Variants in GTF2IRD1 observed in about 807,000 individuals in gnomAD.
GTF2IRD1 encodes the protein GTF2I repeat domain containing 1.
In GTF2IRD1, 26 loss-of-function variants were observed where a neutral mutation model predicts 113.2. The ratio of observed to expected loss-of-function variants is 0.23; its 90% CI spans 0.17 to 0.32. GTF2IRD1 has a LOEUF of 0.32. Among genes scored for constraint, GTF2IRD1 ranks in the 10% least tolerant of loss-of-function variants. The pLI, the probability that GTF2IRD1 is intolerant of heterozygous loss-of-function variation, is 1.00. For synonymous variants in GTF2IRD1, 484 were observed against 529.1 expected, an observed-to-expected ratio of 0.91 and a Z score of 1.17; for missense variants, 864 against 1,280.8, an observed-to-expected ratio of 0.67 and a Z score of 4.97.
chr7:74,558,556 G>A (rs1286506106), intron 20 of GTF2IRD1, among the ~76,000 whole-genome samples: 1 of 151,730 alleles, frequency 6.6e-6, no homozygotes, highest in South Asian at 2.1e-4. Context: ...AGTAAAGACA[G>A]GGTCTTGCTG....
intron 24 of GTF2IRD1, among the ~76,000 whole-genome samples, chr7:74,591,504 A>G (rs1413555553): frequency 6.7e-6 from 1 of 149,164 alleles, no homozygotes; most frequent in African/African-American, 2.5e-5. Flanking sequence ...TCAGCCTCCC[A>G]AGTAGCTGGG....
intron 1 of GTF2IRD1, among the ~76,000 whole-genome samples, chr7:74,475,186 T>G (rs1201405697): frequency 3.3e-5 from 5 of 152,050 alleles, no homozygotes; most frequent in East Asian, 1.9e-4. Flanking sequence ...ACCCAGGAGT[T>G]GGAGGCTGCA....
At position 74,515,603 on chromosome 7, in the gene GTF2IRD1, T is replaced by C. The variant is rs370776468; in HGVS notation, c.421+7T>C. ...GTGTTTGATGTTCTTTATAGTAAGA[T>C]CCTTCCTCATTCCATTTGGGGGCCC... is the stretch of plus-strand genomic sequence containing the variant. On this transcript the variant is annotated splice_region_variant and intron_variant, in intron 4 of 26. Coordinates refer to ENST00000424337, the MANE Select transcript of GTF2IRD1 (RefSeq NM_005685.4). 24 of 1,600,996 alleles carry C rather than the reference T, an allele frequency of 1.5e-5. No individual in the cohort carries two copies. In the African/African-American group the frequency reaches 3.2e-4, roughly 21 times the overall value.
chr7:74,476,423 G>A lies in GTF2IRD1; in HGVS notation c.-7+22247G>A, dbSNP rs187038162. Among the ~76,000 whole-genome samples the A allele has an allele frequency of 3.5e-3, 483 of 136,924 alleles. 3 individuals are homozygous for A. The highest frequency in any genetic ancestry group is 0.013 in the African/African-American group (457 of 36,088). 89.8% of individuals were successfully genotyped at this position (136,924 alleles called of 152,430 possible). ...TCTGTCGCCCAGGCTGGAGTGCAGC[G>A]GTGCGATCTCGGCTCACTGCAACCT... is the stretch of plus-strand genomic sequence containing the variant. On this transcript the variant is annotated intron_variant, in intron 1 of 26. Coordinates refer to ENST00000424337, the MANE Select transcript of GTF2IRD1 (RefSeq NM_005685.4).
chr7:74,554,012 G>A (rs587657868), intron 17 of GTF2IRD1, among the ~76,000 whole-genome samples: 10 of 152,266 alleles, frequency 6.6e-5, no homozygotes, highest in South Asian at 6.2e-4. Context: ...CCGCCAGAGC[G>A]GGCACCAAAT....
At chr7:74,458,207 T>C (rs79219720) in intron 1 of GTF2IRD1, among the ~76,000 whole-genome samples, 1,940 of 152,010 alleles carry the variant, frequency 0.013, 36 homozygotes, top group African/African-American at 0.044. Flanking sequence ...TCCGGGATAA[T>C]ATGGGGCCGC....
At chr7:74,600,715 A>C (rs1485372362) in intron 25 of GTF2IRD1, among the ~76,000 whole-genome samples, 2 of 152,074 alleles carry the variant, frequency 1.3e-5, no homozygotes, top group East Asian at 1.9e-4. Flanking sequence ...CATCTCAAAA[A>C]ACCAGAAAGA....
At chr7:74,504,127 C>T (rs1478872101) in intron 1 of GTF2IRD1, among the ~76,000 whole-genome samples, 2 of 152,134 alleles carry the variant, frequency 1.3e-5, no homozygotes, top group Non-Finnish European at 2.9e-5. Flanking sequence ...CCATGGTGTG[C>T]ATGTACCACA....
At chr7:74,559,276 A>T (rs1359336463) in intron 21 of GTF2IRD1, among the ~76,000 whole-genome samples, 4 of 152,128 alleles carry the variant, frequency 2.6e-5, no homozygotes, top group Non-Finnish European at 5.9e-5. Context: ...GCAGCCTTTG[A>T]GGGCATCTTC....
chr7:74,579,100 T>C (rs782543614), intron 22 of GTF2IRD1, among the ~76,000 whole-genome samples: 3 of 151,880 alleles, frequency 2.0e-5, no homozygotes, highest in Non-Finnish European at 2.9e-5. Context: ...GGCGGAAGAA[T>C]TGCTTGAAGC....
intron 22 of GTF2IRD1, among the ~76,000 whole-genome samples, chr7:74,574,992 A>T (rs1554364023): frequency 6.6e-6 from 1 of 152,146 alleles, no homozygotes. Context: ...TGGGAGGCTG[A>T]GGCAGGAGAA....
chr7:74,566,006 A>AACACACACACACACACACACACACAC (rs66556824), intron 22 of GTF2IRD1, among the ~76,000 whole-genome samples: 1 of 143,114 alleles, frequency 7.0e-6, no homozygotes, highest in Non-Finnish European at 1.5e-5. Flanking sequence ...AAGACACACA[A>AACACACACACACACACACACACACAC]ACACACACAC....
At chr7:74,590,080 G>A (rs1282140916) in intron 23 of GTF2IRD1, 152 bp downstream of exon 23, 7 of 579,526 alleles carry the variant, frequency 1.2e-5, no homozygotes, top group African/African-American at 1.9e-5. Context: ...CACGTTTTGT[G>A]TATGTTGATT....
At chr7:74,477,287 C>G (rs1339996160) in intron 1 of GTF2IRD1, among the ~76,000 whole-genome samples, 1 of 151,468 alleles carries the variant, frequency 6.6e-6, no homozygotes, top group Non-Finnish European at 1.5e-5. Context: ...TCACTTGAAC[C>G]TGAGAGACAG....
In GTF2IRD1 at chr7:74,555,349, C is replaced by A. The variant is rs1381134887; in HGVS notation, c.1967-89C>A. 4 of 1,469,252 alleles carry A rather than the reference C, an allele frequency of 2.7e-6. No homozygotes were observed. The highest frequency in any genetic ancestry group is 3.8e-6 in the Non-Finnish European group (4 of 1,048,946). 91.0% of individuals were successfully genotyped at this position (1,469,252 alleles called of 1,614,324 possible). ...TCCTGGCCCTGGCATTCTCCCCACACCCCCACATTGGGTTTCCCCTAACGA... is the reference window on the plus strand; with the variant it reads ...TCCTGGCCCTGGCATTCTCCCCACAACCCCACATTGGGTTTCCCCTAACGA... On this transcript the variant is annotated intron_variant, in intron 18 of 26. Coordinates refer to ENST00000424337, the MANE Select transcript of GTF2IRD1 (RefSeq NM_005685.4). This position sits in a 1 kb window ranked among gnomAD's most constrained non-coding sequence, Gnocchi z 5.3.
intron 1 of GTF2IRD1, among the ~76,000 whole-genome samples, chr7:74,481,757 CATCTTTGCATGTAA>C: frequency 6.6e-6 from 1 of 152,294 alleles, no homozygotes; most frequent in Admixed American, 6.5e-5. Flanking sequence ...TTTGGGGAAA[CATCTTTGCATGTAA>C]ATCTTTGCAT....
chr7:74,467,780 G>A (rs1793815245), intron 1 of GTF2IRD1, among the ~76,000 whole-genome samples: 1 of 152,084 alleles, frequency 6.6e-6, no homozygotes, highest in Admixed American at 6.6e-5. Flanking sequence ...TGCAACCTCT[G>A]ACTCCTGGTT....
In GTF2IRD1 at chr7:74,549,115, T is replaced by C. The variant is rs587763660; in HGVS notation, c.1916+1829T>C. ...GACCAGCCTGGCCAACATGGTGAGA[T>C]CCCATCTCTACTAAAAATACACAGA... On this transcript the variant is annotated intron_variant, in intron 17 of 26. Coordinates refer to ENST00000424337, the MANE Select transcript of GTF2IRD1 (RefSeq NM_005685.4). Among the ~76,000 whole-genome samples the C allele has an allele frequency of 8.6e-5, 13 of 151,808 alleles. No individual in the cohort carries two copies. The East Asian group carries it at 2.5e-3, about 30-fold the overall frequency.
intron 1 of GTF2IRD1, among the ~76,000 whole-genome samples, chr7:74,465,931 G>A (rs372372294): frequency 3.3e-5 from 5 of 152,066 alleles, no homozygotes; most frequent in East Asian, 3.9e-4. Context: ...CACCATGCCT[G>A]GCTAATTTTT....
Sources: gnomAD v4.1 joint callset for allele counts (sites outside exome capture counted in the v4.1 genomes callset) on GRCh38, gnomAD v4.1.1 for gene constraint, Gnocchi (gnomAD v3.1) non-coding constraint, MANE v1.5 for transcripts, NCBI Gene and HGNC (gene_info 2026-07-23, HGNC 2026-07-21) for gene names.